SNX9: variants seen among roughly 807,000 people sequenced by gnomAD.
SNX9 encodes sorting nexin 9.
SNX9 carries 44 observed loss-of-function variants against 89.4 expected under a neutral mutation model. The observed-to-expected ratio is 0.49, with a 90% confidence interval of 0.39 to 0.63. The LOEUF (loss-of-function observed/expected upper bound fraction) is 0.63. Ranked by LOEUF, SNX9 falls within the 30% of genes least tolerant of loss-of-function variation. SNX9 has a pLI of 0.00. For synonymous variants in SNX9, 236 were observed against 247.8 expected, an observed-to-expected ratio of 0.95 and a Z score of 0.45; for missense variants, 578 against 736.1, an observed-to-expected ratio of 0.79 and a Z score of 2.49.
chr6:157,915,120 A>G (rs1444658926), intron 9 of SNX9, among the ~76,000 whole-genome samples: 1 of 151,926 alleles, frequency 6.6e-6, no homozygotes, highest in Non-Finnish European at 1.5e-5. Context: ...TTGTTGGTTT[A>G]TTTCTGGATT....
intron 9 of SNX9, among the ~76,000 whole-genome samples, chr6:157,915,987 T>G (rs188348242): frequency 6.6e-6 from 1 of 151,816 alleles, no homozygotes; most frequent in Admixed American, 6.5e-5. Flanking sequence ...CACTCAATAG[T>G]TCCAGGAGCT....
chr6:157,940,152 A>G (rs1322730798), intron 16 of SNX9, among the ~76,000 whole-genome samples: 1 of 152,162 alleles, frequency 6.6e-6, no homozygotes, highest in African/African-American at 2.4e-5. Context: ...CCAGCCTTTC[A>G]CCAGAAACCT....
chr6:157,885,624 C>A (rs1008031052), intron 4 of SNX9, among the ~76,000 whole-genome samples: 2 of 152,152 alleles, frequency 1.3e-5, no homozygotes, highest in African/African-American at 4.8e-5. Flanking sequence ...TAAGATGGGC[C>A]GTGGCATGAT....
At chr6:157,825,395 A>T (rs1781324075) in intron 1 of SNX9, among the ~76,000 whole-genome samples, 1 of 152,216 alleles carries the variant, frequency 6.6e-6, no homozygotes, top group Non-Finnish European at 1.5e-5. Context: ...CAGTTTAGCA[A>T]CTAGTGCAGG....
chr6:157,887,509 G>A (rs927772393), intron 4 of SNX9, among the ~76,000 whole-genome samples: 26 of 152,122 alleles, frequency 1.7e-4, no homozygotes, highest in Admixed American at 8.5e-4. Context: ...CACAGAGACC[G>A]CCGAGCTTTG....
rs766749967 is a variant in SNX9 at position 157,901,946 on chromosome 6, C to T, written c.521C>T (p.Ser174Phe). The change falls in exon 6 of 18, where the codon TCC becomes TTC. Residue 174 changes from serine to phenylalanine, a missense_variant. Ser to Phe is a radical substitution (Grantham distance 155, BLOSUM62 -2). Transcript: ENST00000392185. The stretch of plus-strand genomic sequence containing the variant: ...GATGAAGACTGGGATGGGCCCAAAT[C>T]CTCTTCCTACTTTAAGGATTCAGAG... ...DWDEDWDGPK[S>F]SSYFKDSESA... The T allele has an allele frequency of 1.2e-6, 2 of 1,613,116 alleles. No individual in the cohort carries two copies. The highest frequency in any genetic ancestry group is 1.7e-6 in the Non-Finnish European group (2 of 1,179,712).
intron 1 of SNX9, chr6:157,830,442 T>C (rs10945857): frequency 0.04 from 6,071 of 152,334 alleles, 444 homozygotes; most frequent in East Asian, 0.28. Context: ...GTCCGTGGTG[T>C]GACTCCTCAC....
At chr6:157,915,672 A>C (rs546806407) in intron 9 of SNX9, among the ~76,000 whole-genome samples, 7 of 137,960 alleles carry the variant, frequency 5.1e-5, no homozygotes, top group African/African-American at 8.3e-5. Flanking sequence ...CACACACACA[A>C]AAATTAGCCA....
At chr6:157,928,570 A>G in intron 11 of SNX9, 29 bp from the exon 12 acceptor site, 1 of 1,561,632 alleles carries the variant, frequency 6.4e-7, no homozygotes, top group Non-Finnish European at 8.7e-7. Context: ...TCTCCTGCTT[A>G]TGTGACTGAC....
intron 1 of SNX9, among the ~76,000 whole-genome samples, chr6:157,848,633 G>C (rs1279867222): frequency 6.6e-6 from 1 of 152,190 alleles, no homozygotes; most frequent in Non-Finnish European, 1.5e-5. Context: ...AGTGAAACTT[G>C]AACTCTGTAA....
At chr6:157,915,578 G>A (rs1221923848) in intron 9 of SNX9, among the ~76,000 whole-genome samples, 1 of 144,170 alleles carries the variant, frequency 6.9e-6, no homozygotes, top group Non-Finnish European at 1.5e-5. Flanking sequence ...CTGAGGTCAG[G>A]AGTTTGAAAC....
intron 1 of SNX9, among the ~76,000 whole-genome samples, chr6:157,825,120 C>T (rs535809121): frequency 6.6e-6 from 1 of 152,214 alleles, no homozygotes; most frequent in South Asian, 2.1e-4. Flanking sequence ...TGGTGGCGCG[C>T]GCCTGTAGCC....
intron 1 of SNX9, among the ~76,000 whole-genome samples, chr6:157,835,544 C>G (rs1244033918): frequency 1.3e-5 from 2 of 151,208 alleles, no homozygotes; most frequent in Admixed American, 6.6e-5. Context: ...TCTTGAGTAT[C>G]TGTGATATGG....
intron 12 of SNX9, among the ~76,000 whole-genome samples, chr6:157,931,752 A>G (rs888812257): frequency 3.9e-5 from 6 of 152,218 alleles, no homozygotes; most frequent in African/African-American, 1.4e-4. Context: ...TGGAATCACA[A>G]GTCCATGTCC....
chr6:157,827,538 C>T lies in SNX9; in HGVS notation c.12+4092C>T, dbSNP rs12174112. Among the ~76,000 whole-genome samples the T allele has an allele frequency of 1.5e-3, 46 of 30,770 alleles. 8 individuals carry two copies. Among genetic ancestry groups the T allele is most frequent in the African/African-American group, 6.6e-3 (11 of 1,676 alleles). The allele number at this position is 30,770 out of a possible 152,430, so 20.2% of individuals were successfully genotyped here. Reference sequence around the variant, plus strand: ...ACATATAGTTTATATAATATATAAACATATATTATATTATAGTTTATATAA... The same window carrying T: ...ACATATAGTTTATATAATATATAAATATATATTATATTATAGTTTATATAA... On this transcript the variant is annotated intron_variant, in intron 1 of 17. Coordinates refer to ENST00000392185, the MANE Select transcript of SNX9 (RefSeq NM_016224.5).
At chr6:157,852,378 C>G (rs1781930681) in intron 1 of SNX9, among the ~76,000 whole-genome samples, 1 of 152,148 alleles carries the variant, frequency 6.6e-6, no homozygotes, top group African/African-American at 2.4e-5. Flanking sequence ...TTGCATTAGG[C>G]CATGGTTCTC....
chr6:157,891,627 G>T (rs1486722441), intron 4 of SNX9, among the ~76,000 whole-genome samples: 1 of 152,188 alleles, frequency 6.6e-6, no homozygotes, highest in Non-Finnish European at 1.5e-5. Context: ...TCTTTTGGGG[G>T]AAACATTCTC....
intron 9 of SNX9, among the ~76,000 whole-genome samples, chr6:157,921,329 G>T (rs1783576664): frequency 6.6e-6 from 1 of 152,186 alleles, no homozygotes; most frequent in Non-Finnish European, 1.5e-5. Flanking sequence ...ACTGAAGTCT[G>T]TTGCATCTTA....
intron 1 of SNX9, chr6:157,830,439 G>T (rs1362498681): frequency 6.6e-6 from 1 of 152,170 alleles, no homozygotes; most frequent in African/African-American, 2.4e-5. Flanking sequence ...TTTGTCCGTG[G>T]TGTGACTCCT....
Sources: gnomAD v4.1 joint callset for allele counts (sites outside exome capture counted in the v4.1 genomes callset) on GRCh38, gnomAD v4.1.1 for gene constraint, MANE v1.5 for transcripts, NCBI Gene and HGNC (gene_info 2026-07-23, HGNC 2026-07-21) for gene names.